The following KIAA0825 variants were observed in gnomAD, a reference collection of about 807,000 sequenced individuals.
KIAA0825 encodes KIAA0825.
Under a neutral mutation model 147.6 loss-of-function variants are expected in KIAA0825, and 119 were observed. The ratio of observed to expected loss-of-function variants is 0.81; its 90% confidence interval spans 0.69 to 0.94. KIAA0825 has a LOEUF of 0.94. KIAA0825 is among the 40% of genes least tolerant of loss of function. The pLI, the probability that KIAA0825 is intolerant of heterozygous loss-of-function variation, is 0.00. For synonymous variants in KIAA0825, 470 were observed against 518.1 expected, an observed-to-expected ratio of 0.91 and a Z score of 1.26; for missense variants, 1,381 against 1,472.7, an observed-to-expected ratio of 0.94 and a Z score of 1.02.
At position 94,417,258 on chromosome 5, in the gene KIAA0825, C is replaced by T. The variant is rs1223677831; in HGVS notation, c.2605G>A (p.Val869Ile). ...TCTTCTTCCATGTAGCTCACAAAAA[C>T]GTTTGCAAATGTTTGTGGAGAAAAA... The part of the protein sequence containing the change: ...CSFSPQTFAN[V>I]FVSYMEEEQL... The change falls in exon 15 of 21, where the codon GTT (valine) becomes ATT (isoleucine). Residue 869 changes from valine to isoleucine, a missense_variant. Coordinates refer to ENST00000682413, the MANE Select transcript of KIAA0825 (RefSeq NM_001145678.3). 9.7e-6 allele frequency: 15 copies of T among 1,550,850 alleles called. No homozygotes were observed. Among genetic ancestry groups the T allele is most frequent in the South Asian group, 5.9e-5 (5 of 84,042 alleles).
intron 14 of KIAA0825, among the ~76,000 whole-genome samples, 184 bp from the exon 15 acceptor site, chr5:94,417,549 G>A (rs971954223): frequency 1.3e-5 from 2 of 151,990 alleles, no homozygotes; most frequent in Non-Finnish European, 2.9e-5. Context: ...TTGTTTCTGA[G>A]ATATTCATGG....
rs553000814 is a variant in KIAA0825 at position 94,175,320 on chromosome 5, A to T, written c.3711-21196T>A. Among the ~76,000 whole-genome samples, 5 of 152,234 alleles carry T rather than the reference A, an allele frequency of 3.3e-5. No individual in the cohort carries two copies. In the South Asian group the frequency reaches 8.3e-4, roughly 25 times the overall value. Reference sequence around the variant, plus strand: ...TGACCTGTTTCCCCTTTAACTGCTTATAGTCATTTTAACATCTGTCATCAC... The same window carrying T: ...TGACCTGTTTCCCCTTTAACTGCTTTTAGTCATTTTAACATCTGTCATCAC... On this transcript the variant is annotated intron_variant, in intron 20 of 20. Coordinates refer to ENST00000682413, the MANE Select transcript of KIAA0825 (RefSeq NM_001145678.3).
At chr5:94,522,623 T>C (rs951222808) in intron 4 of KIAA0825, among the ~76,000 whole-genome samples, 8 of 151,662 alleles carry the variant, frequency 5.3e-5, no homozygotes, top group African/African-American at 1.9e-4. Flanking sequence ...AACAGATGTA[T>C]GAAAAATGCC....
intron 1 of KIAA0825, chr5:94,594,047 T>C (rs1561368509): frequency 3.8e-6 from 2 of 524,028 alleles, no homozygotes; most frequent in East Asian, 1.1e-4. Flanking sequence ...GGAACTTGCG[T>C]GCAACATCTT....
intron 20 of KIAA0825, among the ~76,000 whole-genome samples, chr5:94,255,903 G>A (rs1266236921): frequency 4.0e-5 from 6 of 151,494 alleles, no homozygotes; most frequent in Admixed American, 6.6e-5. Context: ...TTATAGAGAC[G>A]AGGTCTCATT....
chr5:94,373,294 A>G (rs255179), intron 20 of KIAA0825, among the ~76,000 whole-genome samples: 49,566 of 151,834 alleles, frequency 0.33, 8,514 homozygotes, highest in African/African-American at 0.44. Context: ...TTATAGCAGC[A>G]CCCCCTCCTC....
At chr5:94,268,834 C>T (rs1009293192) in intron 20 of KIAA0825, among the ~76,000 whole-genome samples, 1 of 152,074 alleles carries the variant, frequency 6.6e-6, no homozygotes, top group Non-Finnish European at 1.5e-5. Context: ...TGTTTTCAAC[C>T]TGGCATTCTG....
chr5:94,321,489 G>T (rs1472795419), intron 20 of KIAA0825, among the ~76,000 whole-genome samples: 1 of 151,974 alleles, frequency 6.6e-6, no homozygotes. Context: ...GCACTGAAAG[G>T]TAGGCTGTTC....
chr5:94,573,130 G>A (rs1008673525), intron 2 of KIAA0825, among the ~76,000 whole-genome samples: 1 of 151,720 alleles, frequency 6.6e-6, no homozygotes, highest in Non-Finnish European at 1.5e-5. Flanking sequence ...GGGGGGGTTG[G>A]GGGGGTTGTT....
intron 20 of KIAA0825, among the ~76,000 whole-genome samples, chr5:94,168,228 C>T (rs1403652012): frequency 1.3e-5 from 2 of 151,978 alleles, no homozygotes; most frequent in African/African-American, 4.8e-5. Context: ...TGATAACTAG[C>T]TATATATGCA....
chr5:94,158,219 T>G (rs1767220724), intron 20 of KIAA0825, among the ~76,000 whole-genome samples: 1 of 152,144 alleles, frequency 6.6e-6, no homozygotes, highest in East Asian at 1.9e-4. Context: ...TATTTGTTTA[T>G]GTACTGTCAA....
In KIAA0825 at chr5:94,153,957, C is replaced by T. The variant is rs1766795427; in HGVS notation, c.*50G>A. The T allele has an allele frequency of 2.3e-6, 3 of 1,283,722 alleles. No homozygotes were observed. The highest frequency in any genetic ancestry group is 3.0e-5 in the African/African-American group (2 of 67,662). 79.5% of individuals were successfully genotyped at this position (1,283,722 alleles called of 1,614,324 possible). Reference sequence around the variant, plus strand: ...CTGACTATGGTAAAAAATCCTACTCCATTACATGGGATTGTTTCCTAAAAT... The same window carrying T: ...CTGACTATGGTAAAAAATCCTACTCTATTACATGGGATTGTTTCCTAAAAT... On this transcript the variant is annotated 3_prime_UTR_variant, in exon 21 of 21. Transcript: ENST00000682413.
intron 1 of KIAA0825, among the ~76,000 whole-genome samples, chr5:94,611,272 A>G (rs1324196044): frequency 6.6e-6 from 1 of 152,144 alleles, no homozygotes; most frequent in Non-Finnish European, 1.5e-5. Flanking sequence ...TGAGTTATCC[A>G]TTATGTTAAA....
chr5:94,394,467 C>T (rs1311856422), intron 17 of KIAA0825, among the ~76,000 whole-genome samples: 1 of 152,014 alleles, frequency 6.6e-6, no homozygotes, highest in African/African-American at 2.4e-5. Context: ...AATATTAGCT[C>T]GACAACTCCC....
intron 20 of KIAA0825, among the ~76,000 whole-genome samples, chr5:94,281,234 C>CACACAT (rs1777452529): frequency 6.7e-6 from 1 of 149,714 alleles, no homozygotes. Flanking sequence ...CACACACACA[C>CACACAT]ACACACACAC....
intron 3 of KIAA0825, among the ~76,000 whole-genome samples, chr5:94,526,454 T>G (rs1002455332): frequency 2.6e-5 from 4 of 152,040 alleles, no homozygotes; most frequent in African/African-American, 7.2e-5. Flanking sequence ...TAGTACTCTA[T>G]GCCTTTTCAT....
chr5:94,198,496 GAACAGA>G (rs149622788), intron 20 of KIAA0825, among the ~76,000 whole-genome samples: 12,933 of 151,612 alleles, frequency 0.085, 699 homozygotes, highest in Middle Eastern at 0.14. Flanking sequence ...ACTAACACAG[GAACAGA>G]AAACCAAACA....
At chr5:94,561,167 A>G (rs1777493702) in intron 2 of KIAA0825, among the ~76,000 whole-genome samples, 2 of 152,220 alleles carry the variant, frequency 1.3e-5, no homozygotes, top group South Asian at 2.1e-4. Flanking sequence ...AATCGTGTCT[A>G]CATAATGGAT....
intron 1 of KIAA0825, among the ~76,000 whole-genome samples, chr5:94,608,026 ATTAAGG>A (rs1787812386): frequency 6.6e-6 from 1 of 152,128 alleles, no homozygotes; most frequent in Non-Finnish European, 1.5e-5. Context: ...ATCTCACTAT[ATTAAGG>A]TAAACTGATT....
Sources: allele counts gnomAD v4.1 joint callset (sites outside exome capture counted in the v4.1 genomes callset), GRCh38; gene constraint gnomAD v4.1.1; transcripts MANE v1.5; gene names NCBI Gene and HGNC (gene_info 2026-07-23, HGNC 2026-07-21).